The following IL31RA variants were observed in gnomAD, a reference collection of about 807,000 sequenced individuals.
IL31RA encodes interleukin 31 receptor A.
IL31RA carries 66 observed loss-of-function variants against 83.7 expected under a neutral mutation model. That is an observed-to-expected ratio of 0.79 (90% CI 0.65 to 0.97). The LOEUF (loss-of-function observed/expected upper bound fraction) is 0.97. IL31RA is among the 50% of genes least tolerant of loss of function. The pLI is 0.00. For synonymous variants in IL31RA, 325 were observed against 329.0 expected (o/e 0.99, Z 0.13); for missense variants, 798 against 919.4 (o/e 0.87, Z 1.71).
At chr5:55,876,188 A>G (rs1007769845) in intron 4 of IL31RA, among the ~76,000 whole-genome samples, 1 of 152,142 alleles carries the variant, frequency 6.6e-6, no homozygotes, top group Non-Finnish European at 1.5e-5. Flanking sequence ...CGGGCAAATC[A>G]TGAGGTCAAG....
chr5:55,862,745 A>G (rs1745765005), intron 2 of IL31RA, among the ~76,000 whole-genome samples: 1 of 152,136 alleles, frequency 6.6e-6, no homozygotes, highest in Non-Finnish European at 1.5e-5. Flanking sequence ...AATTTAGGGT[A>G]CCACATTGCG....
At chr5:55,870,648 C>T (rs373679067) in intron 3 of IL31RA, among the ~76,000 whole-genome samples, 1 of 152,194 alleles carries the variant, frequency 6.6e-6, no homozygotes, top group East Asian at 1.9e-4. Flanking sequence ...ATACCCAGCT[C>T]CCCTTGATGG....
intron 1 of IL31RA, chr5:55,853,338 C>A: frequency 7.8e-7 from 1 of 1,282,006 alleles, no homozygotes; most frequent in South Asian, 3.2e-5. Context: ...ATAATGCAAT[C>A]CATTTCCCAG....
chr5:55,917,358 T>C lies in IL31RA; in HGVS notation c.*238T>C. On this transcript the variant is annotated 3_prime_UTR_variant, in exon 15 of 15. Coordinates refer to ENST00000652347, the MANE Select transcript of IL31RA (RefSeq NM_139017.7). ...AGGAACAGCAGTCTCTTTTCGTTTG[T>C]TCAGATACCAAGCTCTCACCGAGGC... 12 of 1,376,488 alleles carry C rather than the reference T, an allele frequency of 8.7e-6. No homozygotes were observed. In the South Asian group the frequency reaches 1.7e-4, roughly 19 times the overall value. 85.3% of individuals were successfully genotyped at this position (1,376,488 alleles called of 1,614,324 possible). A position where few individuals can be genotyped will look rare whatever the true frequency, so the allele number is the denominator to read the frequency against.
rs771620573 is a variant in IL31RA at position 55,872,270 on chromosome 5, C to T, written c.273C>T (p.Tyr91=). The change falls in exon 4 of 15, where the codon TAC becomes TAT. Residue 91 remains tyrosine, a splice_region_variant and synonymous_variant. Coordinates refer to ENST00000652347, the MANE Select transcript of IL31RA (RefSeq NM_139017.7). ...SYTQYTVKRT[Y]AFGEKHDNCT... is the part of the protein sequence containing the mutation. Reference sequence around the variant, plus strand: ...TGTTGAATCACTTTTTCTTTCAAAGCGCTTTTGGAGAAAAACATGATAATT... The same window carrying T: ...TGTTGAATCACTTTTTCTTTCAAAGTGCTTTTGGAGAAAAACATGATAATT... The T allele has an allele frequency of 8.7e-6, 14 of 1,610,506 alleles. No homozygotes were observed. Among genetic ancestry groups the T allele is most frequent in the South Asian group, 2.2e-5 (2 of 90,984 alleles).
rs77468158 is a variant in IL31RA, at chr5:55,868,942, G to T, written c.272+34G>T. 31,123 of 1,131,930 alleles carry T rather than the reference G, an allele frequency of 0.027. 1,093 individuals are homozygous for T. Among genetic ancestry groups the T allele is most frequent in the African/African-American group, 0.15 (10,082 of 65,492 alleles). The allele number at this position is 1,131,930 out of a possible 1,614,324, so 70.1% of individuals were successfully genotyped here. ...AGGAGCTTGTGTTTTATCAGTCAGGGCATGGGGGAGGCAGAGGCTTCTGAT... is the reference window on the plus strand; with the variant it reads ...AGGAGCTTGTGTTTTATCAGTCAGGTCATGGGGGAGGCAGAGGCTTCTGAT... On this transcript the variant is annotated intron_variant, in intron 3 of 14. Coordinates refer to ENST00000652347, the MANE Select transcript of IL31RA (RefSeq NM_139017.7).
At chr5:55,849,751 C>G (rs1745009991), upstream of IL31RA, among the ~76,000 whole-genome samples, 1 of 152,226 alleles carries the variant, frequency 6.6e-6, no homozygotes, top group South Asian at 2.1e-4. Context: ...GTACTCTTAT[C>G]ATCTTGGGAT....
chr5:55,861,530 C>T (rs919187552), intron 2 of IL31RA, among the ~76,000 whole-genome samples: 6 of 152,144 alleles, frequency 3.9e-5, no homozygotes, highest in East Asian at 1.9e-4. Context: ...AGTTTCATCC[C>T]GAAACCATCC....
At chr5:55,860,050 G>A (rs2112304713) in intron 2 of IL31RA, among the ~76,000 whole-genome samples, 1 of 152,190 alleles carries the variant, frequency 6.6e-6, no homozygotes, top group Non-Finnish European at 1.5e-5. Flanking sequence ...ATAAAATGGA[G>A]CCATTAAAAC....
Position 55,922,346 on chromosome 5 carries a change from G to T in IL31RA, c.*5226G>T. ...AAAACCTGCTGTCAGCAATGCTCTC[G>T]TGGCTGTTCAAGGGAAGTGAGATAC... On this transcript the variant is annotated 3_prime_UTR_variant, in exon 15 of 15. Transcript: ENST00000652347. 1 of 1,497,310 alleles carries T rather than the reference G, an allele frequency of 6.7e-7. No homozygotes were observed. The highest frequency in any genetic ancestry group is 9.1e-7 in the Non-Finnish European group (1 of 1,098,134). The allele number at this position is 1,497,310 out of a possible 1,614,324, so 92.8% of individuals were successfully genotyped here.
chr5:55,887,137 G>A (rs1259830056), intron 5 of IL31RA, among the ~76,000 whole-genome samples: 1 of 152,184 alleles, frequency 6.6e-6, no homozygotes, highest in Non-Finnish European at 1.5e-5. Context: ...GATATTATGA[G>A]TAACAAAGAG....
intron 2 of IL31RA, 44 bp from the exon 3 acceptor site, chr5:55,868,745 TAC>T (rs1220955508): frequency 6.9e-6 from 7 of 1,011,100 alleles, no homozygotes; most frequent in Non-Finnish European, 1.1e-5. Flanking sequence ...ATTTATTGTG[TAC>T]TGAAATTTTT....
intron 14 of IL31RA, among the ~76,000 whole-genome samples, chr5:55,915,508 T>G (rs1749733143): frequency 6.6e-6 from 1 of 152,242 alleles, no homozygotes; most frequent in South Asian, 2.1e-4. Context: ...AGGGAAATTT[T>G]AAGGTTTAAT....
chr5:55,903,951 T>C lies in IL31RA; in HGVS notation c.1070-2155T>C, dbSNP rs1748977286. 6.6e-6 allele frequency among the ~76,000 whole-genome samples: 1 copy of C among 152,212 alleles called. No homozygotes were observed. Among genetic ancestry groups the C allele is most frequent in the African/African-American group, 2.4e-5 (1 of 41,450 alleles). On this transcript the variant is annotated intron_variant, in intron 8 of 14. Transcript: ENST00000652347. This position sits in a 1 kb window ranked among gnomAD's most constrained non-coding sequence, Gnocchi z 4.7. ...AAGTCTCTAGGGGAGAATCCTTCCT[T>C]ACCCCTTCCAGCTTGTAGTGGCCCC... is the stretch of plus-strand genomic sequence containing the variant.
At chr5:55,913,994 A>G (rs1254588656) in intron 13 of IL31RA, among the ~76,000 whole-genome samples, 1 of 152,338 alleles carries the variant, frequency 6.6e-6, no homozygotes, top group Admixed American at 6.5e-5. Flanking sequence ...AGTGCTGGCC[A>G]GTCGTCTGTG....
Position 55,922,057 on chromosome 5 carries a change from G to C in IL31RA, c.*4937G>C, listed in dbSNP as rs539175518. Among the ~76,000 whole-genome samples, 263 of 54,864 alleles carry C rather than the reference G, an allele frequency of 4.8e-3. 22 individuals carry two copies. Among genetic ancestry groups the C allele is most frequent in the African/African-American group, 0.02 (256 of 13,084 alleles). The allele number at this position is 54,864 out of a possible 152,430, so 36.0% of individuals were successfully genotyped here. Reference sequence around the variant, plus strand: ...GTCTTGCACTCTTATGTTGTGGCGGGGGGGGGGGGCGGTTCCTGAAGAGTG... The same window carrying C: ...GTCTTGCACTCTTATGTTGTGGCGGCGGGGGGGGGCGGTTCCTGAAGAGTG... On this transcript the variant is annotated 3_prime_UTR_variant, in exon 15 of 15. Transcript: ENST00000652347.
At position 55,867,304 on chromosome 5, in the gene IL31RA, C is replaced by T. The variant is rs150715651; in HGVS notation, c.155-1487C>T. On this transcript the variant is annotated intron_variant, in intron 2 of 14. Coordinates refer to ENST00000652347, the MANE Select transcript of IL31RA (RefSeq NM_139017.7). ...ATGTGTGTGTGCATGTGTGTGTGTG[C>T]GTGTGTGTGTGTGCGTGTGTGTGTG... Among the ~76,000 whole-genome samples the T allele has an allele frequency of 9.7e-3, 1,140 of 117,900 alleles. 24 individuals are homozygous for T. The highest frequency in any genetic ancestry group is 0.035 in the African/African-American group (908 of 26,242). 77.3% of individuals were successfully genotyped at this position (117,900 alleles called of 152,430 possible).
chr5:55,866,813 A>G (rs988055343), intron 2 of IL31RA: 1 of 152,184 alleles, frequency 6.6e-6, no homozygotes, highest in Non-Finnish European at 1.5e-5. Flanking sequence ...CCTTCCTTTC[A>G]TTCCCTCCCC....
intron 6 of IL31RA, among the ~76,000 whole-genome samples, chr5:55,895,049 CA>C (rs1748246485): frequency 6.6e-6 from 1 of 152,194 alleles, no homozygotes. Flanking sequence ...CAATCACCTA[CA>C]GTTTAAAAGA....
Sources: gnomAD v4.1 joint callset for allele counts (sites outside exome capture counted in the v4.1 genomes callset) on GRCh38, gnomAD v4.1.1 for gene constraint, Gnocchi (gnomAD v3.1) non-coding constraint, MANE v1.5 for transcripts, NCBI Gene and HGNC (gene_info 2026-07-23, HGNC 2026-07-21) for gene names.